HYAL4: variants seen among roughly 807,000 people sequenced by gnomAD.
The protein encoded by HYAL4 is hyaluronidase-4.
HYAL4 carries 37 observed loss-of-function variants against 35.2 expected under a neutral mutation model. The ratio of observed to expected loss-of-function variants is 1.05; its 90% CI spans 0.81 to 1.38. The LOEUF is 1.38. HYAL4 is among the 40% of genes most tolerant of loss of function. The pLI is 0.00. For missense variants in HYAL4, 572 were observed against 572.4 expected (o/e 1.00, Z 0.01); for synonymous variants, 198 against 203.2 (o/e 0.97, Z 0.22).
At chr7:123,867,074 C>G (rs1234650446) in intron 2 of HYAL4, among the ~76,000 whole-genome samples, 2 of 152,136 alleles carry the variant, frequency 1.3e-5, no homozygotes, top group Non-Finnish European at 2.9e-5. Flanking sequence ...CGTGAGCCAC[C>G]CTGCCTGGCT....
At chr7:123,808,821 G>T in the HYAL4 span, among the ~76,000 whole-genome samples, 13 of 152,270 alleles carry the variant, frequency 8.5e-5, no homozygotes, top group Non-Finnish European at 1.5e-4. Flanking sequence ...CTGCTCCTTA[G>T]TTGGAGCACC....
In HYAL4 at chr7:123,868,649, G is replaced by T. The variant is rs770184794; in HGVS notation, c.376G>T (p.Asp126Tyr). The T allele has an allele frequency of 6.2e-7, 1 of 1,613,832 alleles. No individual in the cohort carries two copies. Reference protein sequence around the residue: ...ISLQVHLEKADQDINYYIPAE... With the variant: ...ISLQVHLEKAYQDINYYIPAE... ...TTTACAAGTACATCTGGAAAAAGCT[G>T]ACCAAGATATTAATTATTACATCCC... The change falls in exon 3 of 5, where the codon GAC (aspartate) becomes TAC (tyrosine). Residue 126 changes from aspartate (D) to tyrosine (Y), a missense_variant. Transcript: ENST00000223026.
At chr7:123,835,371 G>A (rs1387941114) in intron 1 of HYAL4, among the ~76,000 whole-genome samples, 3 of 152,068 alleles carry the variant, frequency 2.0e-5, no homozygotes, top group Admixed American at 6.6e-5. Flanking sequence ...TGCATGTAAA[G>A]GTGTTCATAG....
chr7:123,782,352 G>T, the HYAL4 span, among the ~76,000 whole-genome samples: 1 of 152,128 alleles, frequency 6.6e-6, no homozygotes, highest in Non-Finnish European at 1.5e-5. Flanking sequence ...AGAGCTATAA[G>T]AATGGTGAGA....
chr7:123,850,302 C>A (rs1806275062), intron 2 of HYAL4, among the ~76,000 whole-genome samples: 1 of 152,120 alleles, frequency 6.6e-6, no homozygotes, highest in Non-Finnish European at 1.5e-5. Flanking sequence ...AGTGCAGTGG[C>A]ATGATCACTG....
At chr7:123,769,010 A>G in the HYAL4 span, among the ~76,000 whole-genome samples, 1 of 152,230 alleles carries the variant, frequency 6.6e-6, no homozygotes, top group African/African-American at 2.4e-5. Context: ...TTTAAATTGT[A>G]TTTCTCATGT....
the HYAL4 span, among the ~76,000 whole-genome samples, chr7:123,769,115 A>G: frequency 6.6e-6 from 1 of 152,228 alleles, no homozygotes; most frequent in Non-Finnish European, 1.5e-5. Flanking sequence ...TTCATTACCT[A>G]TGTATGTTTA....
At chr7:123,804,010 A>C in the HYAL4 span, among the ~76,000 whole-genome samples, 45 of 152,334 alleles carry the variant, frequency 3.0e-4, 1 homozygote, top group African/African-American at 1.1e-3. Context: ...TTTACTCCAC[A>C]TAATATGTAG....
At chr7:123,876,408 T>G (rs1807024829) in intron 4 of HYAL4, among the ~76,000 whole-genome samples, 1 of 152,166 alleles carries the variant, frequency 6.6e-6, no homozygotes, top group African/African-American at 2.4e-5. Context: ...ACCCATTAAC[T>G]TGGGAGCTAG....
chr7:123,833,055 A>G (rs1179935458), intron 1 of HYAL4, among the ~76,000 whole-genome samples: 1 of 152,066 alleles, frequency 6.6e-6, no homozygotes, highest in African/African-American at 2.4e-5. Flanking sequence ...TGCTCCTCTA[A>G]ACATGCATGT....
intron 2 of HYAL4, among the ~76,000 whole-genome samples, chr7:123,866,400 C>A (rs187171152): frequency 2.0e-5 from 3 of 152,110 alleles, no homozygotes; most frequent in African/African-American, 4.8e-5. Context: ...ATTGGACTGA[C>A]GACAGTCATA....
the HYAL4 span, among the ~76,000 whole-genome samples, chr7:123,780,143 G>A: frequency 6.6e-6 from 1 of 152,156 alleles, no homozygotes; most frequent in Admixed American, 6.6e-5. Context: ...TCCAGTATTT[G>A]TAGATCTTGA....
At chr7:123,853,078 A>G (rs1451514771) in intron 2 of HYAL4, among the ~76,000 whole-genome samples, 18 of 152,152 alleles carry the variant, frequency 1.2e-4, no homozygotes, top group Admixed American at 1.2e-3. Context: ...GTTTTTGCAC[A>G]TTGATTTTGT....
intron 1 of HYAL4, among the ~76,000 whole-genome samples, chr7:123,835,658 G>A (rs954190667): frequency 1.3e-5 from 2 of 152,062 alleles, no homozygotes; most frequent in African/African-American, 2.4e-5. Flanking sequence ...GTTCCTTGCA[G>A]TGTGACCTTA....
intron 2 of HYAL4, among the ~76,000 whole-genome samples, chr7:123,855,351 T>C (rs916988805): frequency 2.0e-5 from 3 of 152,166 alleles, no homozygotes; most frequent in African/African-American, 7.2e-5. Flanking sequence ...CATTTTTCCT[T>C]TCCATACGTT....
the HYAL4 span, among the ~76,000 whole-genome samples, chr7:123,809,405 T>A: frequency 6.8e-6 from 1 of 147,462 alleles, no homozygotes; most frequent in South Asian, 2.2e-4. Context: ...TTTTTTTTTT[T>A]TTTTTTTTGA....
At chr7:123,858,678 A>T (rs1017652647) in intron 2 of HYAL4, among the ~76,000 whole-genome samples, 3 of 152,358 alleles carry the variant, frequency 2.0e-5, no homozygotes, top group South Asian at 2.1e-4. Flanking sequence ...ATAGACATCA[A>T]TACTATGTTT....
chr7:123,821,314 C>G, the HYAL4 span, among the ~76,000 whole-genome samples: 64 of 152,226 alleles, frequency 4.2e-4, no homozygotes, highest in Non-Finnish European at 8.2e-4. Context: ...AACTTCAACA[C>G]TTGTTATCTT....
intron 4 of HYAL4, chr7:123,875,899 ATAT>A: frequency 2.5e-6 from 1 of 398,126 alleles, no homozygotes; most frequent in South Asian, 1.9e-5. Flanking sequence ...TGATGATCTG[ATAT>A]TATTCTCAGA....
Sources: gnomAD v4.1 joint callset for allele counts (sites outside exome capture counted in the v4.1 genomes callset) on GRCh38, gnomAD v4.1.1 for gene constraint, MANE v1.5 for transcripts, NCBI Gene and HGNC (gene_info 2026-07-23, HGNC 2026-07-21) for gene names.